WDR26: variants seen among roughly 807,000 people sequenced by gnomAD.
WDR26 encodes the protein WD repeat domain 26, also known as WD repeat-containing protein 26.
WDR26 carries 5 observed loss-of-function variants against 84.1 expected under a neutral mutation model. The observed-to-expected ratio is 0.06, with a 90% CI of 0.03 to 0.13. The LOEUF is 0.13. WDR26 is among the 10% of genes least tolerant of loss of function. The pLI is 1.00. For missense variants in WDR26, 642 were observed against 974.9 expected (o/e 0.66, Z 4.55); for synonymous variants, 415 against 389.6 (o/e 1.07, Z -0.77).
chr1:224,390,354 A>G (rs1673090360), intron 13 of WDR26, among the ~76,000 whole-genome samples: 1 of 152,222 alleles, frequency 6.6e-6, no homozygotes, highest in African/African-American at 2.4e-5. Flanking sequence ...TCCTGAGCTC[A>G]AGCAATCTGC....
Position 224,431,673 on chromosome 1 carries a change from C to CTACTT in WDR26, c.822+4_822+8dup, listed in dbSNP as rs1674397535. On this transcript the variant is annotated intron_variant, in intron 2 of 13. Coordinates refer to ENST00000414423, the MANE Select transcript of WDR26 (RefSeq NM_001379403.1). ...CAGCAGTCACACAGCTCTATATGCCCTACTTTACCTTATCCCAGTCTCCTT... is the reference window on the plus strand; with the variant it reads ...CAGCAGTCACACAGCTCTATATGCCCTACTTTACTTTACCTTATCCCAGTCTCCTT... The CTACTT allele has an allele frequency of 1.2e-6, 2 of 1,612,958 alleles. No individual in the cohort carries two copies. Among genetic ancestry groups the CTACTT allele is most frequent in the South Asian group, 2.2e-5 (2 of 91,038 alleles).
rs902153378 is a variant in WDR26, at chr1:224,387,707, A to C, written c.*2128T>G. On this transcript the variant is annotated 3_prime_UTR_variant, in exon 14 of 14. Coordinates refer to ENST00000414423, the MANE Select transcript of WDR26 (RefSeq NM_001379403.1). ...TAACCAAATTTGTAAACAGCTGTGGAGTTTCTATGCCCACATTTAGTGATG... is the reference window on the plus strand; with the variant it reads ...TAACCAAATTTGTAAACAGCTGTGGCGTTTCTATGCCCACATTTAGTGATG... The C allele has an allele frequency of 7.2e-5, 11 of 152,538 alleles. No individual in the cohort carries two copies. The highest frequency in any genetic ancestry group is 2.7e-4 in the African/African-American group (11 of 41,406). The allele number at this position is 152,538 out of a possible 1,614,324, so 9.4% of individuals were successfully genotyped here. A position where few individuals can be genotyped will look rare whatever the true frequency, so the allele number is the denominator to read the frequency against.
intron 8 of WDR26, among the ~76,000 whole-genome samples, chr1:224,402,976 T>C (rs1053996167): frequency 3.3e-5 from 5 of 152,180 alleles, no homozygotes; most frequent in Admixed American, 3.3e-4. Context: ...AAAAGATACA[T>C]GCTTAAGTAT....
chr1:224,400,317 C>CA (rs1479112843), intron 9 of WDR26, among the ~76,000 whole-genome samples: 1 of 149,198 alleles, frequency 6.7e-6, no homozygotes, highest in Non-Finnish European at 1.5e-5. Context: ...ACAAAAATCT[C>CA]AAAAGAAATT....
intron 9 of WDR26, 52 bp downstream of exon 9, chr1:224,400,898 T>G: frequency 6.3e-7 from 1 of 1,594,486 alleles, no homozygotes; most frequent in Non-Finnish European, 8.5e-7. Flanking sequence ...TAAACAAAAG[T>G]ACATTTGCTT....
intron 7 of WDR26, among the ~76,000 whole-genome samples, chr1:224,410,006 C>T (rs924162881): frequency 1.3e-5 from 2 of 151,512 alleles, no homozygotes; most frequent in East Asian, 2.0e-4. Flanking sequence ...TTTGGCCGGA[C>T]GTAGTGGCTC....
intron 13 of WDR26, 140 bp downstream of exon 13, chr1:224,393,688 T>G: frequency 5.0e-5 from 32 of 635,498 alleles, no homozygotes; most frequent in Non-Finnish European, 6.2e-5. Context: ...TTCTGTGGCC[T>G]GAGATAGGGT....
chr1:224,401,671 C>CAAAAAAAAAAAAAAAAAAAAA (rs767368281), intron 8 of WDR26, among the ~76,000 whole-genome samples: 2 of 49,640 alleles, frequency 4.0e-5, no homozygotes, highest in Non-Finnish European at 3.1e-5. Context: ...GAGACTGTCT[C>CAAAAAAAAAAAAAAAAAAAAA]AAAAAAAAAA....
chr1:224,406,419 G>C (rs1000053043), intron 7 of WDR26, among the ~76,000 whole-genome samples: 7 of 152,112 alleles, frequency 4.6e-5, no homozygotes, highest in Non-Finnish European at 7.4e-5. Flanking sequence ...ATTCCAATGG[G>C]ATGACCCACC....
intron 6 of WDR26, 50 bp from the exon 7 acceptor site, chr1:224,411,615 T>C (rs776383766): frequency 1.9e-5 from 29 of 1,498,720 alleles, no homozygotes; most frequent in Non-Finnish European, 2.5e-5. Context: ...ATTAGAGTAA[T>C]AATAATAAAA....
chr1:224,403,500 T>C (rs527333938), intron 8 of WDR26, among the ~76,000 whole-genome samples: 1 of 152,326 alleles, frequency 6.6e-6, no homozygotes, highest in East Asian at 1.9e-4. Context: ...AAGCTGGAGT[T>C]GAAACAAGGA....
chr1:224,407,787 C>T (rs972027890), intron 7 of WDR26, among the ~76,000 whole-genome samples: 2 of 151,880 alleles, frequency 1.3e-5, no homozygotes, highest in Non-Finnish European at 2.9e-5. Context: ...GAGATTACAG[C>T]GGTAAGCCAC....
chr1:224,431,488 CCAA>C lies in WDR26; in HGVS notation c.913_915del (p.Leu305del), dbSNP rs1236816959. The C allele has an allele frequency of 1.9e-6, 3 of 1,613,598 alleles. No individual in the cohort carries two copies. Among genetic ancestry groups the C allele is most frequent in the East Asian group, 2.2e-5 (1 of 44,872 alleles). ...AAAAGTGTATTTACCACAATTATTCCCAACAACGTTTGAGAGATTTCAAGTGCG... is the reference window on the plus strand; with the variant it reads ...AAAAGTGTATTTACCACAATTATTCCCAACGTTTGAGAGATTTCAAGTGCG... On this transcript the variant is annotated inframe_deletion, in exon 3 of 14. Transcript: ENST00000414423.
At position 224,418,421 on chromosome 1, in the gene WDR26, A is replaced by G; in HGVS notation, c.1163-5T>C. Reference sequence around the variant, plus strand: ...TCACTGATGGTGGTAAATAGGCTTTAATAGAAGATATTTTAAAAAAGAGAA... The same window carrying G: ...TCACTGATGGTGGTAAATAGGCTTTGATAGAAGATATTTTAAAAAAGAGAA... On this transcript the variant is annotated splice_polypyrimidine_tract_variant and splice_region_variant and intron_variant, in intron 5 of 13. Transcript: ENST00000414423. The G allele has an allele frequency of 6.3e-7, 1 of 1,584,030 alleles. No individual in the cohort carries two copies. The highest frequency in any genetic ancestry group is 8.5e-7 in the Non-Finnish European group (1 of 1,171,156).
intron 3 of WDR26, among the ~76,000 whole-genome samples, chr1:224,428,905 A>C (rs1572215780): frequency 2.7e-5 from 2 of 75,440 alleles, no homozygotes; most frequent in African/African-American, 1.8e-4. Context: ...ACTCCATCTC[A>C]AAAAAAAAAA....
Position 224,434,227 on chromosome 1 carries a change from G to T in WDR26, c.179C>A (p.Ser60Tyr), listed in dbSNP as rs1349556962. Reference sequence around the variant, plus strand: ...CACGGAGGAGGAGGAGGAGGAGGAGGACGAGGACGACGAGGACGGAGGGGA... The same window carrying T: ...CACGGAGGAGGAGGAGGAGGAGGAGTACGAGGACGACGAGGACGGAGGGGA... Residue 60 changes from serine (S) to tyrosine (Y), a missense_variant, in exon 1 of 14, where the codon TCC becomes TAC. Transcript: ENST00000414423. 2.9e-6 allele frequency: 4 copies of T among 1,388,096 alleles called. No homozygotes were observed. The highest frequency in any genetic ancestry group is 3.7e-6 in the Non-Finnish European group (4 of 1,075,286). The allele number at this position is 1,388,096 out of a possible 1,614,324, so 86.0% of individuals were successfully genotyped here. A position where few individuals can be genotyped will look rare whatever the true frequency, so the allele number is the denominator to read the frequency against.
Position 224,434,571 on chromosome 1 carries a change from T to TC in WDR26, c.-167dup, listed in dbSNP as rs541240514. 5.0e-3 allele frequency: 1,488 copies of TC among 295,688 alleles called. 16 individuals are homozygous for TC. Among genetic ancestry groups the TC allele is most frequent in the African/African-American group, 0.029 (848 of 29,370 alleles). The allele number at this position is 295,688 out of a possible 1,614,324, so 18.3% of individuals were successfully genotyped here. On this transcript the variant is annotated 5_prime_UTR_variant, in exon 1 of 14. Coordinates refer to ENST00000414423, the MANE Select transcript of WDR26 (RefSeq NM_001379403.1). ...GGGGAGAAGGAGGATCCGGGCCCTT[T>TC]CCCCCCCCCCTCCCGGAGGCAGCTC...
intron 6 of WDR26, 139 bp from the exon 7 acceptor site, chr1:224,411,704 C>CT (rs376478237): frequency 0.2 from 146,404 of 722,570 alleles, 7,130 homozygotes; most frequent in African/African-American, 0.43. Context: ...ATTTGTAAAT[C>CT]TTTTTTTTTT....
In WDR26 at chr1:224,388,457, T is replaced by C. The variant is rs534738828; in HGVS notation, c.*1378A>G. ...AAAGCACAATGTGAACATCAGGCTT[T>C]TGGCTTATTTTAAATGTGAAATTCT... On this transcript the variant is annotated 3_prime_UTR_variant, in exon 14 of 14. Transcript: ENST00000414423. The C allele has an allele frequency of 1.3e-5, 2 of 152,408 alleles. No homozygotes were observed. The highest frequency in any genetic ancestry group is 2.1e-4 in the South Asian group (1 of 4,832). The allele number at this position is 152,408 out of a possible 1,614,324, so 9.4% of individuals were successfully genotyped here.
Sources: gnomAD v4.1 joint callset for allele counts (sites outside exome capture counted in the v4.1 genomes callset) on GRCh38, gnomAD v4.1.1 for gene constraint, MANE v1.5 for transcripts, NCBI Gene and HGNC (gene_info 2026-07-23, HGNC 2026-07-21) for gene names.